Variants in KLHL32 observed in about 807,000 individuals in gnomAD.
KLHL32 encodes the protein kelch like family member 32, also known as kelch-like protein 32.
Under a neutral mutation model 64.8 loss-of-function variants are expected in KLHL32, and 35 were observed. That is an observed-to-expected ratio of 0.54 (90% CI 0.41 to 0.72). The LOEUF is 0.72. Among genes scored for constraint, KLHL32 ranks in the 30% least tolerant of loss-of-function variants. The pLI is 0.00. For missense variants in KLHL32, 589 were observed against 768.5 expected, an observed-to-expected ratio of 0.77 and a Z score of 2.76; for synonymous variants, 259 against 281.0, an observed-to-expected ratio of 0.92 and a Z score of 0.78.
chr6:97,039,002 A>G (rs1034004089), intron 3 of KLHL32, among the ~76,000 whole-genome samples: 1 of 150,508 alleles, frequency 6.6e-6, no homozygotes, highest in African/African-American at 2.4e-5. Flanking sequence ...AGGAAGGAGA[A>G]TTGCTTGGAC....
chr6:97,055,414 C>G (rs1346255371), intron 4 of KLHL32, among the ~76,000 whole-genome samples: 1 of 152,170 alleles, frequency 6.6e-6, no homozygotes. Context: ...TCCACTCCCT[C>G]CGACTCTGTC....
intron 3 of KLHL32, among the ~76,000 whole-genome samples, chr6:97,021,972 C>T (rs1782052916): frequency 6.6e-6 from 1 of 150,802 alleles, no homozygotes; most frequent in African/African-American, 2.5e-5. Context: ...CATAGCTGGA[C>T]CTTCAAAACA....
In KLHL32 at chr6:96,924,801, G is replaced by GCAGACACACA. The variant is rs1768932737; in HGVS notation, c.-289_-288insGACACACACA. ...CAGTCGCGCGCACACACGCACGCAG[G>GCAGACACACA]CACACACACACACACACACACACAC... On this transcript the variant is annotated 5_prime_UTR_variant, in exon 1 of 11. Transcript: ENST00000369261. 2.0e-5 allele frequency: 3 copies of GCAGACACACA among 148,908 alleles called. No individual in the cohort carries two copies. Among genetic ancestry groups the GCAGACACACA allele is most frequent in the Admixed American group, 2.0e-4 (3 of 15,012 alleles). 9.2% of individuals were successfully genotyped at this position (148,908 alleles called of 1,614,324 possible).
rs1163730500 is a variant in KLHL32, at chr6:97,033,215, T to C, written c.205-8277T>C. ...TGACTCACTGTATTATGATATTTGCTTTATTAAGTTGGTCTGAAACTAAAC... is the reference window on the plus strand; with the variant it reads ...TGACTCACTGTATTATGATATTTGCCTTATTAAGTTGGTCTGAAACTAAAC... On this transcript the variant is annotated intron_variant, in intron 3 of 10. Transcript: ENST00000369261. Among the ~76,000 whole-genome samples, 5 of 152,298 alleles carry C rather than the reference T, an allele frequency of 3.3e-5. 1 individual carries two copies. The South Asian group carries it at 6.2e-4, about 19-fold the overall frequency.
At chr6:96,978,647 T>G (rs1363105465) in intron 3 of KLHL32, among the ~76,000 whole-genome samples, 1 of 152,234 alleles carries the variant, frequency 6.6e-6, no homozygotes, top group Non-Finnish European at 1.5e-5. Context: ...TGTAATACTT[T>G]AGGTCTATAC....
intron 1 of KLHL32, among the ~76,000 whole-genome samples, chr6:96,954,630 C>T (rs948382529): frequency 6.6e-6 from 1 of 152,144 alleles, no homozygotes; most frequent in Admixed American, 6.5e-5. Context: ...AGCTTAGGGG[C>T]TCCACATTTT....
chr6:97,107,789 T>A (rs1223602884), intron 6 of KLHL32, among the ~76,000 whole-genome samples: 1 of 152,184 alleles, frequency 6.6e-6, no homozygotes, highest in Non-Finnish European at 1.5e-5. Flanking sequence ...TAAATAAATA[T>A]GTGTGTATGT....
intron 3 of KLHL32, among the ~76,000 whole-genome samples, chr6:97,031,749 G>A (rs1316739063): frequency 2.6e-5 from 4 of 152,130 alleles, no homozygotes; most frequent in African/African-American, 9.7e-5. Context: ...AGAAGTCTAG[G>A]AGTATGTTGC....
intron 4 of KLHL32, among the ~76,000 whole-genome samples, chr6:97,054,589 C>T (rs903381944): frequency 3.3e-5 from 5 of 152,168 alleles, no homozygotes; most frequent in South Asian, 2.1e-4. Flanking sequence ...TGCACTAATT[C>T]AGGTAGGAGA....
intron 4 of KLHL32, among the ~76,000 whole-genome samples, chr6:97,050,548 A>C (rs1259645917): frequency 6.6e-6 from 1 of 152,172 alleles, no homozygotes. Flanking sequence ...TAAGGCAAGC[A>C]GGAAAATAGG....
At chr6:97,015,591 T>C (rs533581795) in intron 3 of KLHL32, among the ~76,000 whole-genome samples, 1 of 152,116 alleles carries the variant, frequency 6.6e-6, no homozygotes, top group Non-Finnish European at 1.5e-5. Flanking sequence ...TTGGAACCTA[T>C]GTTTAAAAGG....
At position 97,110,699 on chromosome 6, in the gene KLHL32, G is replaced by A. The variant is rs72932651; in HGVS notation, c.628-3084G>A. Among the ~76,000 whole-genome samples, 352 of 152,226 alleles carry A rather than the reference G, an allele frequency of 2.3e-3. 1 individual carries two copies. Among genetic ancestry groups the A allele is most frequent in the Non-Finnish European group, 4.0e-3 (273 of 68,012 alleles). ...GGAAGCCCAGAATCCTGATTCCATG[G>A]TTCAAAAAGGAAGTAAAGCACGATA... On this transcript the variant is annotated intron_variant, in intron 6 of 10. Transcript: ENST00000369261.
At chr6:97,038,098 A>G (rs1268356792) in intron 3 of KLHL32, among the ~76,000 whole-genome samples, 1 of 152,198 alleles carries the variant, frequency 6.6e-6, no homozygotes. Flanking sequence ...ATGCTCCAGG[A>G]CATTGGACTG....
intron 5 of KLHL32, among the ~76,000 whole-genome samples, chr6:97,067,005 G>A (rs1463938023): frequency 2.0e-5 from 3 of 152,176 alleles, no homozygotes; most frequent in East Asian, 1.9e-4. Flanking sequence ...TTTTGAAACC[G>A]CTCTCTTCAC....
At chr6:96,991,692 AG>A (rs1282644466) in intron 3 of KLHL32, among the ~76,000 whole-genome samples, 1 of 152,072 alleles carries the variant, frequency 6.6e-6, no homozygotes, top group Admixed American at 6.5e-5. Flanking sequence ...TTCCTTCCCA[AG>A]CCGGAGAGCC....
At chr6:97,040,901 G>A (rs1450971894) in intron 3 of KLHL32, among the ~76,000 whole-genome samples, 1 of 152,062 alleles carries the variant, frequency 6.6e-6, no homozygotes, top group Non-Finnish European at 1.5e-5. Flanking sequence ...GCCTTGCTTC[G>A]CCTTCACCTT....
At chr6:97,049,457 C>T (rs1181406203) in intron 4 of KLHL32, among the ~76,000 whole-genome samples, 1 of 152,052 alleles carries the variant, frequency 6.6e-6, no homozygotes, top group Non-Finnish European at 1.5e-5. Flanking sequence ...TTGCATCATG[C>T]CACTCAGAAT....
intron 3 of KLHL32, among the ~76,000 whole-genome samples, chr6:96,989,718 C>G (rs375106802): frequency 7.9e-5 from 12 of 152,206 alleles, no homozygotes; most frequent in Admixed American, 2.0e-4. Flanking sequence ...TTTCTCCCCC[C>G]CTCTCTTCCA....
chr6:97,064,629 T>G lies in KLHL32; in HGVS notation c.314T>G (p.Ile105Ser). 1 of 1,613,204 alleles carries G rather than the reference T, an allele frequency of 6.2e-7. No individual in the cohort carries two copies. Among genetic ancestry groups the G allele is most frequent in the Non-Finnish European group, 8.5e-7 (1 of 1,179,440 alleles). Reference protein sequence around the residue: ...QALEFAYTGQILLEPGVIQDV... With the variant: ...QALEFAYTGQSLLEPGVIQDV... ...TATTTTTGTTAACAAACAAAACAGA[T>G]TTTGCTGGAGCCAGGTGTGATCCAG... Residue 105 changes from isoleucine to serine, a missense_variant and splice_region_variant, in exon 5 of 11, where the codon ATT becomes AGT. By Grantham distance (142) the Ile-to-Ser change is moderately radical. This residue lies in a region of KLHL32 where 191 missense variants were observed against 223.3 expected (regional missense o/e 0.86). Coordinates refer to ENST00000369261, the MANE Select transcript of KLHL32 (RefSeq NM_052904.4).
Sources: gnomAD v4.1 joint callset for allele counts (sites outside exome capture counted in the v4.1 genomes callset) on GRCh38, gnomAD v4.1.1 for gene constraint, gnomAD v4.1.1 regional missense constraint, MANE v1.5 for transcripts, NCBI Gene and HGNC (gene_info 2026-07-23, HGNC 2026-07-21) for gene names.